The following SLCO1A2 variants were observed in gnomAD, a reference collection of about 807,000 sequenced individuals.
SLCO1A2 encodes the protein OATP-1.
SLCO1A2 carries 67 observed loss-of-function variants against 69.0 expected under a neutral mutation model. The observed-to-expected ratio is 0.97, with a 90% CI of 0.80 to 1.19. The LOEUF is 1.19. SLCO1A2 is among the 50% of genes most tolerant of loss of function. The pLI is 0.00. For missense variants in SLCO1A2, 787 were observed against 793.7 expected (o/e 0.99, Z 0.10); for synonymous variants, 260 against 265.9 (o/e 0.98, Z 0.22).
At chr12:21,331,691 C>T (rs190099096) in intron 2 of SLCO1A2, among the ~76,000 whole-genome samples, 1 of 151,990 alleles carries the variant, frequency 6.6e-6, no homozygotes, top group Admixed American at 6.6e-5. Flanking sequence ...TGTTTACCAT[C>T]TTACAGGCAG....
rs150518489 is a variant in SLCO1A2 at position 21,284,151 on chromosome 12, G to C, written c.1610+8013C>G. Among the ~76,000 whole-genome samples the C allele has an allele frequency of 3.8e-3, 574 of 152,252 alleles. 1 individual carries two copies. The highest frequency in any genetic ancestry group is 0.013 in the African/African-American group (548 of 41,548). ...TTGCAGCACTATTCACAATAGTCAA[G>C]ATTTGGAAGCAACCTAAGTGTCCAG... On this transcript the variant is annotated intron_variant, in intron 12 of 14. Transcript: ENST00000683939.
In SLCO1A2 at chr12:21,284,514, C is replaced by T. The variant is rs11502679; in HGVS notation, c.1610+7650G>A. Among the ~76,000 whole-genome samples, 769 of 151,756 alleles carry T rather than the reference C, an allele frequency of 5.1e-3. 4 individuals carry two copies. Among genetic ancestry groups the T allele is most frequent in the African/African-American group, 0.016 (664 of 41,206 alleles). Reference sequence around the variant, plus strand: ...CTCTGCACCAAGCGAACCTAATAGACATCTACAGAATTCTCCACCCCAAAT... The same window carrying T: ...CTCTGCACCAAGCGAACCTAATAGATATCTACAGAATTCTCCACCCCAAAT... On this transcript the variant is annotated intron_variant, in intron 12 of 14. Coordinates refer to ENST00000683939, the MANE Select transcript of SLCO1A2 (RefSeq NM_001386879.1).
At chr12:21,280,559 T>C (rs1944602158) in intron 12 of SLCO1A2, among the ~76,000 whole-genome samples, 2 of 151,882 alleles carry the variant, frequency 1.3e-5, no homozygotes, top group East Asian at 3.9e-4. Flanking sequence ...TCACCCAACA[T>C]TGAAGCACCC....
chr12:21,311,909 G>A (rs1199871294), intron 4 of SLCO1A2, among the ~76,000 whole-genome samples: 1 of 139,262 alleles, frequency 7.2e-6, no homozygotes, highest in Non-Finnish European at 1.6e-5. Context: ...CTGAGCAACA[G>A]CATGAGACTC....
chr12:21,373,500 G>A, intron 2 of SLCO1A2: 1 of 1,005,378 alleles, frequency 9.9e-7, no homozygotes. Context: ...ATTAAATACT[G>A]TCAAATAACT....
intron 2 of SLCO1A2, among the ~76,000 whole-genome samples, chr12:21,368,937 T>C (rs1335749647): frequency 6.6e-6 from 1 of 151,834 alleles, no homozygotes; most frequent in Admixed American, 6.6e-5. Flanking sequence ...AAATCAAGAG[T>C]GTCCAGAGAA....
At chr12:21,379,998 T>C (rs1422240029) in intron 1 of SLCO1A2, 1 of 152,206 alleles carries the variant, frequency 6.6e-6, no homozygotes, top group Non-Finnish European at 1.5e-5. Context: ...TGCTCAATTG[T>C]TGGTCCTTCT....
intron 2 of SLCO1A2, among the ~76,000 whole-genome samples, chr12:21,330,438 G>T (rs527443957): frequency 1.3e-5 from 2 of 152,122 alleles, no homozygotes; most frequent in Non-Finnish European, 2.9e-5. Context: ...GAGCCTGGGA[G>T]GTTGAGGGTG....
intron 8 of SLCO1A2, among the ~76,000 whole-genome samples, chr12:21,298,289 G>A (rs1454541636): frequency 6.6e-6 from 1 of 152,168 alleles, no homozygotes; most frequent in African/African-American, 2.4e-5. Flanking sequence ...AGAGCCAAAT[G>A]TGTGGCCTGC....
chr12:21,347,669 A>AAGGAAGGAGGGAAGG (rs1555122068), intron 2 of SLCO1A2, among the ~76,000 whole-genome samples: 1 of 113,422 alleles, frequency 8.8e-6, no homozygotes, highest in Non-Finnish European at 1.7e-5. Context: ...AGAAAGAAAG[A>AAGGAAGGAGGGAAGG]AAGGAAGGAA....
chr12:21,384,330 A>G (rs1327249719), intron 1 of SLCO1A2, among the ~76,000 whole-genome samples: 3 of 152,244 alleles, frequency 2.0e-5, no homozygotes, highest in African/African-American at 7.2e-5. Context: ...TGAGATTTGC[A>G]TAAGTAGATA....
intron 2 of SLCO1A2, among the ~76,000 whole-genome samples, chr12:21,362,611 G>C (rs1013050921): frequency 9.2e-5 from 14 of 152,094 alleles, no homozygotes; most frequent in Non-Finnish European, 2.1e-4. Context: ...TGGCAAATTG[G>C]ATAAAGAGTC....
intron 8 of SLCO1A2, 105 bp downstream of exon 8, chr12:21,300,243 A>G: frequency 1.4e-6 from 1 of 725,588 alleles, no homozygotes; most frequent in Non-Finnish European, 2.1e-6. Context: ...TTGATGACAA[A>G]TTGTCTCAAC....
At chr12:21,312,077 AGAG>A (rs138485588) in intron 4 of SLCO1A2, among the ~76,000 whole-genome samples, 9 of 150,946 alleles carry the variant, frequency 6.0e-5, no homozygotes, top group Non-Finnish European at 1.0e-4. Context: ...AGGAAGAAGA[AGAG>A]GAGGAGGAGG....
At chr12:21,345,875 G>A (rs1200401174) in intron 2 of SLCO1A2, among the ~76,000 whole-genome samples, 1 of 151,968 alleles carries the variant, frequency 6.6e-6, no homozygotes, top group Non-Finnish European at 1.5e-5. Flanking sequence ...CAGTTTGCCA[G>A]AAGCTGGATC....
At chr12:21,284,367 C>T (rs941602851) in intron 12 of SLCO1A2, among the ~76,000 whole-genome samples, 1 of 152,158 alleles carries the variant, frequency 6.6e-6, no homozygotes, top group Non-Finnish European at 1.5e-5. Context: ...GTTTATCTCA[C>T]TAGGGAGTGC....
chr12:21,299,775 TATATATATATATATACAC>T (rs1260480270), intron 8 of SLCO1A2, among the ~76,000 whole-genome samples: 2 of 110,758 alleles, frequency 1.8e-5, no homozygotes, highest in East Asian at 5.1e-4. Context: ...CGTGTGTATA[TATATATATATATATACAC>T]ACACACGTAT....
chr12:21,390,728 A>G (rs977428271), intron 1 of SLCO1A2, among the ~76,000 whole-genome samples: 5 of 152,156 alleles, frequency 3.3e-5, no homozygotes, highest in African/African-American at 1.2e-4. Context: ...GCTTCCTAGA[A>G]TTGACTCAAA....
intron 2 of SLCO1A2, chr12:21,373,644 A>G: frequency 1.4e-6 from 1 of 701,218 alleles, no homozygotes; most frequent in Non-Finnish European, 2.6e-6. Flanking sequence ...TCTGACAGAC[A>G]GGAATGGATA....
Sources: gnomAD v4.1 joint callset for allele counts (sites outside exome capture counted in the v4.1 genomes callset) on GRCh38, gnomAD v4.1.1 for gene constraint, MANE v1.5 for transcripts, NCBI Gene and HGNC (gene_info 2026-07-23, HGNC 2026-07-21) for gene names.